Variants in NPAS3 observed in about 807,000 individuals in gnomAD.
The protein encoded by NPAS3 is neuronal PAS domain protein 3.
In NPAS3, 14 loss-of-function variants were observed where a neutral mutation model predicts 73.1. That is an observed-to-expected ratio of 0.19 (90% CI 0.13 to 0.30). The LOEUF is 0.30. Ranked by LOEUF, NPAS3 falls within the 10% of genes least tolerant of loss-of-function variation. NPAS3 has a pLI of 1.00. For missense variants in NPAS3, 1,096 were observed against 1,250.0 expected (o/e 0.88, Z 1.86); for synonymous variants, 620 against 541.5 (o/e 1.14, Z -2.01).
chr14:33,531,891 C>T (rs986753537), intron 4 of NPAS3, among the ~76,000 whole-genome samples: 2 of 152,056 alleles, frequency 1.3e-5, no homozygotes, highest in Non-Finnish European at 2.9e-5. Flanking sequence ...GGTATCTCAT[C>T]GTGACTTTAA....
chr14:33,094,898 C>G (rs912592980), intron 2 of NPAS3, among the ~76,000 whole-genome samples: 1 of 152,172 alleles, frequency 6.6e-6, no homozygotes, highest in Admixed American at 6.5e-5. Context: ...TTCCATGTTA[C>G]CACATGTGTA....
intron 5 of NPAS3, among the ~76,000 whole-genome samples, chr14:33,560,979 ATGC>A (rs2055619473): frequency 6.6e-6 from 1 of 152,238 alleles, no homozygotes; most frequent in African/African-American, 2.4e-5. Context: ...CTCCATAAAA[ATGC>A]TGAACATCTG....
intron 2 of NPAS3, among the ~76,000 whole-genome samples, chr14:33,079,564 C>T (rs1172469042): frequency 5.0e-4 from 69 of 138,154 alleles, no homozygotes; most frequent in Middle Eastern, 3.7e-3. Context: ...GTAATTCACC[C>T]GCCTCGGCCT....
intron 3 of NPAS3, among the ~76,000 whole-genome samples, chr14:33,251,133 G>A (rs912083682): frequency 1.1e-4 from 17 of 152,092 alleles, no homozygotes; most frequent in African/African-American, 3.9e-4. Context: ...GCCTGCTACT[G>A]CATGCTGCCT....
intron 3 of NPAS3, among the ~76,000 whole-genome samples, chr14:33,325,810 A>G (rs2043678842): frequency 6.6e-6 from 1 of 151,594 alleles, no homozygotes; most frequent in Non-Finnish European, 1.5e-5. Flanking sequence ...GCCTCTGGTA[A>G]CCATCCTTCT....
intron 1 of NPAS3, among the ~76,000 whole-genome samples, chr14:33,032,790 C>T (rs1050430305): frequency 6.6e-6 from 1 of 152,188 alleles, no homozygotes; most frequent in African/African-American, 2.4e-5. Flanking sequence ...TCTGTTATTT[C>T]CAAACAAATT....
chr14:33,170,851 A>G (rs1168444318), intron 2 of NPAS3, among the ~76,000 whole-genome samples: 1 of 152,216 alleles, frequency 6.6e-6, no homozygotes, highest in Admixed American at 6.5e-5. Flanking sequence ...TTTCAAAGTC[A>G]TCTATGAGGG....
chr14:33,380,130 C>T (rs2046482580), intron 4 of NPAS3, among the ~76,000 whole-genome samples: 1 of 151,788 alleles, frequency 6.6e-6, no homozygotes, highest in Non-Finnish European at 1.5e-5. Context: ...TGTAGATCAA[C>T]CAAAATAAAA....
intron 3 of NPAS3, among the ~76,000 whole-genome samples, chr14:33,308,527 T>TATATATATATACACACACACAC: frequency 6.5e-4 from 67 of 103,692 alleles, no homozygotes; most frequent in Non-Finnish European, 9.5e-4. Flanking sequence ...TATATATATA[T>TATATATATATACACACACACAC]ACATACACAC....
chr14:33,228,568 G>A (rs181019770), intron 3 of NPAS3, among the ~76,000 whole-genome samples: 13 of 152,106 alleles, frequency 8.5e-5, no homozygotes, highest in South Asian at 2.1e-4. Flanking sequence ...TCAGGGATCC[G>A]AAATGGGTTA....
At chr14:33,573,793 T>C (rs1339396459) in intron 5 of NPAS3, among the ~76,000 whole-genome samples, 2 of 152,026 alleles carry the variant, frequency 1.3e-5, no homozygotes, top group African/African-American at 4.8e-5. Context: ...TAATTTTGGC[T>C]AAAAAGAAAT....
chr14:33,743,022 C>T (rs935901526), intron 7 of NPAS3, among the ~76,000 whole-genome samples: 1 of 152,174 alleles, frequency 6.6e-6, no homozygotes, highest in African/African-American at 2.4e-5. Context: ...CAGTTCTTCC[C>T]TCCACTGAAG....
intron 3 of NPAS3, among the ~76,000 whole-genome samples, chr14:33,316,843 G>A (rs2043226735): frequency 6.6e-6 from 1 of 152,096 alleles, no homozygotes; most frequent in Admixed American, 6.6e-5. Context: ...CAGAATGGCA[G>A]GTATTAACTC....
intron 3 of NPAS3, among the ~76,000 whole-genome samples, chr14:33,354,674 A>T (rs1183884274): frequency 6.6e-6 from 1 of 152,072 alleles, no homozygotes; most frequent in Non-Finnish European, 1.5e-5. Flanking sequence ...CTTCTCCTTA[A>T]CACCTCCCTG....
intron 4 of NPAS3, among the ~76,000 whole-genome samples, chr14:33,494,903 C>T (rs1232128468): frequency 3.3e-5 from 5 of 152,038 alleles, no homozygotes. Flanking sequence ...ATTTGTTGCA[C>T]AGCAATCACT....
chr14:33,440,534 C>A (rs1235067572), intron 4 of NPAS3, among the ~76,000 whole-genome samples: 6 of 152,164 alleles, frequency 3.9e-5, no homozygotes, highest in East Asian at 1.9e-4. Context: ...ATAATTCCAA[C>A]TTTTTATCAT....
chr14:33,633,316 C>T (rs1595324983), intron 5 of NPAS3, among the ~76,000 whole-genome samples: 1 of 152,162 alleles, frequency 6.6e-6, no homozygotes, highest in East Asian at 1.9e-4. Flanking sequence ...CTAATACCAC[C>T]TGTATCTATC....
rs138184872 is a variant in NPAS3 at position 33,596,291 on chromosome 14, C to G, written c.558+36081C>G. Among the ~76,000 whole-genome samples the G allele has an allele frequency of 1.8e-4, 28 of 152,290 alleles. 1 individual carries two copies. Among genetic ancestry groups the G allele is most frequent in the African/African-American group, 6.7e-4 (28 of 41,552 alleles). On this transcript the variant is annotated intron_variant, in intron 5 of 11. Coordinates refer to ENST00000356141, the Ensembl canonical transcript of NPAS3. Reference sequence around the variant, plus strand: ...CATTTACTATAAATATAGTTAGCATCCAGAGGTTTCAAAGCTAAGAATATG... The same window carrying G: ...CATTTACTATAAATATAGTTAGCATGCAGAGGTTTCAAAGCTAAGAATATG...
chr14:33,487,679 A>G (rs1050326028), intron 4 of NPAS3, among the ~76,000 whole-genome samples: 2 of 152,194 alleles, frequency 1.3e-5, no homozygotes, highest in East Asian at 3.9e-4. Flanking sequence ...AGCAAGGAAC[A>G]TCTAGGTTCT....
Sources: gnomAD v4.1 joint callset for allele counts (sites outside exome capture counted in the v4.1 genomes callset) on GRCh38, gnomAD v4.1.1 for gene constraint, MANE v1.5 for transcripts, NCBI Gene and HGNC (gene_info 2026-07-23, HGNC 2026-07-21) for gene names.